Variants in TACR1 observed in about 807,000 individuals in gnomAD.
TACR1 encodes the protein substance-P receptor.
TACR1 carries 25 observed loss-of-function variants against 35.8 expected under a neutral mutation model. The observed-to-expected ratio is 0.70, with a 90% CI of 0.51 to 0.98. The LOEUF (loss-of-function observed/expected upper bound fraction) is 0.98. Among genes scored for constraint, TACR1 ranks in the 50% least tolerant of loss-of-function variants. The pLI, the probability that TACR1 is intolerant of heterozygous loss-of-function variation, is 0.00. For synonymous variants in TACR1, 195 were observed against 206.7 expected (o/e 0.94, Z 0.48); for missense variants, 478 against 522.9 (o/e 0.91, Z 0.84).
At chr2:75,175,325 A>G (rs1352115217) in intron 1 of TACR1, among the ~76,000 whole-genome samples, 5 of 152,224 alleles carry the variant, frequency 3.3e-5, no homozygotes, top group Non-Finnish European at 7.3e-5. Context: ...ATATTCATGC[A>G]GGTGAAAAAT....
intron 2 of TACR1, among the ~76,000 whole-genome samples, chr2:75,066,408 G>A (rs1356345180): frequency 1.3e-5 from 2 of 152,132 alleles, no homozygotes; most frequent in South Asian, 2.1e-4. Flanking sequence ...CACTCAGAGC[G>A]GGGAAACCAC....
At chr2:75,057,094 A>G (rs1672583895) in intron 2 of TACR1, among the ~76,000 whole-genome samples, 1 of 152,244 alleles carries the variant, frequency 6.6e-6, no homozygotes. Flanking sequence ...CTCTGAGCCC[A>G]AGCTAAGCCA....
intron 1 of TACR1, among the ~76,000 whole-genome samples, chr2:75,171,846 G>A (rs979830061): frequency 1.3e-5 from 2 of 152,184 alleles, no homozygotes; most frequent in Admixed American, 6.5e-5. Context: ...TAACTAACTT[G>A]CTTTTGATTT....
intron 1 of TACR1, among the ~76,000 whole-genome samples, chr2:75,175,907 C>T (rs916555679): frequency 6.7e-6 from 1 of 149,990 alleles, no homozygotes; most frequent in African/African-American, 2.5e-5. Flanking sequence ...AGCTAACTAC[C>T]ATATACATCA....
intron 2 of TACR1, among the ~76,000 whole-genome samples, chr2:75,117,037 G>A (rs534537398): frequency 5.0e-4 from 76 of 152,144 alleles, no homozygotes; most frequent in African/African-American, 1.7e-3. Context: ...CTAGTTTGAT[G>A]GCTGTGTAGT....
chr2:75,110,761 A>G (rs1249650533), intron 2 of TACR1, among the ~76,000 whole-genome samples: 1 of 145,412 alleles, frequency 6.9e-6, no homozygotes, highest in East Asian at 2.3e-4. Flanking sequence ...TTATGATTTG[A>G]TATTTGTTTC....
intron 3 of TACR1, 85 bp downstream of exon 3, chr2:75,053,520 C>G: frequency 7.1e-7 from 1 of 1,417,224 alleles, no homozygotes; most frequent in Non-Finnish European, 9.3e-7. Flanking sequence ...TGCTAGCTGC[C>G]TCTGGGGCTC....
chr2:75,083,664 A>G (rs1347735453), intron 2 of TACR1, among the ~76,000 whole-genome samples: 6 of 152,234 alleles, frequency 3.9e-5, no homozygotes, highest in Non-Finnish European at 8.8e-5. Context: ...TTGGATTCCT[A>G]GGTATTTTAT....
At chr2:75,153,489 G>T (rs1674720538) in intron 1 of TACR1, among the ~76,000 whole-genome samples, 1 of 152,212 alleles carries the variant, frequency 6.6e-6, no homozygotes, top group Non-Finnish European at 1.5e-5. Flanking sequence ...TGCACTCTGA[G>T]CTGTGCTGTT....
chr2:75,101,095 TAGTC>T (rs745771956), intron 2 of TACR1, among the ~76,000 whole-genome samples: 14 of 151,666 alleles, frequency 9.2e-5, no homozygotes, highest in South Asian at 2.1e-4. Context: ...AAAACTGAAT[TAGTC>T]AGGCAGAGGA....
chr2:75,056,341 T>C (rs1244953405), intron 2 of TACR1, among the ~76,000 whole-genome samples: 15 of 152,226 alleles, frequency 9.9e-5, no homozygotes, highest in Admixed American at 9.8e-4. Flanking sequence ...TTCCACTTGC[T>C]TGCTTTCTTG....
chr2:75,164,059 G>T (rs1214451232), intron 1 of TACR1, among the ~76,000 whole-genome samples: 1 of 152,106 alleles, frequency 6.6e-6, no homozygotes, highest in East Asian at 1.9e-4. Context: ...CGGGTGCAGT[G>T]GTTCACAACT....
At chr2:75,085,399 T>C (rs1367445729) in intron 2 of TACR1, among the ~76,000 whole-genome samples, 1 of 152,188 alleles carries the variant, frequency 6.6e-6, no homozygotes, top group Non-Finnish European at 1.5e-5. Flanking sequence ...CTGCCACTTC[T>C]GTCTCAGTGG....
chr2:75,150,250 AAG>A (rs1255775689), intron 1 of TACR1, among the ~76,000 whole-genome samples: 1 of 152,226 alleles, frequency 6.6e-6, no homozygotes, highest in Non-Finnish European at 1.5e-5. Context: ...TTTAGTGAAA[AAG>A]AGAAACATGC....
intron 1 of TACR1, among the ~76,000 whole-genome samples, chr2:75,137,533 G>T (rs1674317519): frequency 6.6e-6 from 1 of 151,676 alleles, no homozygotes; most frequent in Non-Finnish European, 1.5e-5. Context: ...AGATCATCCT[G>T]GCTAACACAG....
intron 1 of TACR1, among the ~76,000 whole-genome samples, chr2:75,161,252 T>C (rs17010834): frequency 0.029 from 4,400 of 152,214 alleles, 206 homozygotes; most frequent in African/African-American, 0.1. Context: ...AAAAGAATTA[T>C]GGCAAATCTT....
At chr2:75,060,260 G>A (rs1296810921) in intron 2 of TACR1, among the ~76,000 whole-genome samples, 1 of 152,148 alleles carries the variant, frequency 6.6e-6, no homozygotes, top group Non-Finnish European at 1.5e-5. Context: ...GCACGAGTGA[G>A]CCTTTTTCAA....
chr2:75,130,828 A>G (rs1022464201), intron 1 of TACR1, among the ~76,000 whole-genome samples: 2 of 152,220 alleles, frequency 1.3e-5, no homozygotes, highest in Non-Finnish European at 2.9e-5. Flanking sequence ...TATTTAACCT[A>G]TGCAGGGAAA....
chr2:75,056,485 G>A (rs780099337), intron 2 of TACR1, among the ~76,000 whole-genome samples: 2 of 152,126 alleles, frequency 1.3e-5, no homozygotes, highest in Non-Finnish European at 2.9e-5. Flanking sequence ...CTGTTTACCC[G>A]GCCTTGCCTG....
Sources: allele counts gnomAD v4.1 joint callset (sites outside exome capture counted in the v4.1 genomes callset), GRCh38; gene constraint gnomAD v4.1.1; transcripts MANE v1.5; gene names NCBI Gene and HGNC (gene_info 2026-07-23, HGNC 2026-07-21).